Variants in SCFD1 observed in about 807,000 individuals in gnomAD.
SCFD1 encodes the protein sec1 family domain-containing protein 1.
Under a neutral mutation model 103.2 loss-of-function variants are expected in SCFD1, and 37 were observed. The ratio of observed to expected loss-of-function variants is 0.36; its 90% CI spans 0.28 to 0.47. The LOEUF is 0.47. SCFD1 is among the 20% of genes least tolerant of loss of function. The probability of loss-of-function intolerance (pLI) is 1.00; values close to 1 mark genes in which losing one functional copy is unlikely to be tolerated. For synonymous variants in SCFD1, 264 were observed against 245.0 expected (o/e 1.08, Z -0.73); for missense variants, 639 against 761.2 (o/e 0.84, Z 1.89).
At position 30,649,547 on chromosome 14, in the gene SCFD1, A is replaced by G; in HGVS notation, c.633A>G (p.Arg211=). ...AAATAGGTGCTGTTCCTATAATCAG[A>G]TGTTCAAGAGGAACAGCAGCAGAAA... is the stretch of plus-strand genomic sequence containing the variant. ...FVTLGAVPII[R]CSRGTAAEMV... Residue 211 remains arginine, a synonymous_variant, in exon 8 of 25, where the codon AGA becomes AGG. Coordinates refer to ENST00000458591, the MANE Select transcript of SCFD1 (RefSeq NM_016106.4). 6.3e-7 allele frequency: 1 copy of G among 1,576,610 alleles called. No individual in the cohort carries two copies.
intron 14 of SCFD1, among the ~76,000 whole-genome samples, chr14:30,680,424 A>C (rs8012029): frequency 6.6e-6 from 1 of 152,106 alleles, no homozygotes. Flanking sequence ...ATATTCCCAC[A>C]TTCTACAGAG....
chr14:30,628,415 A>G, intron 2 of SCFD1, 136 bp downstream of exon 2: 1 of 588,422 alleles, frequency 1.7e-6, no homozygotes, highest in Non-Finnish European at 3.0e-6. Flanking sequence ...ATTTAACATG[A>G]TCTCTTAATA....
intron 7 of SCFD1, among the ~76,000 whole-genome samples, chr14:30,648,481 C>G (rs752311504): frequency 1.3e-5 from 2 of 152,156 alleles, no homozygotes; most frequent in Non-Finnish European, 2.9e-5. Context: ...TTTTAAAAAA[C>G]TACAATTTTT....
At position 30,719,360 on chromosome 14, in the gene SCFD1, G is replaced by T. The variant is rs1166476839; in HGVS notation, c.1719G>T (p.Met573Ile). The T allele has an allele frequency of 6.2e-7, 1 of 1,606,762 alleles. No homozygotes were observed. Among genetic ancestry groups the T allele is most frequent in the Non-Finnish European group, 8.5e-7 (1 of 1,177,120 alleles). ...ACTATAGATATTTTGATCCCAAAATGCTGCGGGGCAATGACAGGTAAGCAG... is the reference window on the plus strand; with the variant it reads ...ACTATAGATATTTTGATCCCAAAATTCTGCGGGGCAATGACAGGTAAGCAG... ...TDDYRYFDPK[M>I]LRGNDSSVPR... The change falls in exon 21 of 25, where the codon ATG (methionine) becomes ATT (isoleucine). Residue 573 changes from methionine to isoleucine, a missense_variant. Coordinates refer to ENST00000458591, the MANE Select transcript of SCFD1 (RefSeq NM_016106.4).
At position 30,653,530 on chromosome 14, in the gene SCFD1, A is replaced by G; in HGVS notation, c.797A>G (p.Asp266Gly). Reference protein sequence around the residue: ...PLLVLVDRNIDLATPLHHTWT... With the variant: ...PLLVLVDRNIGLATPLHHTWT... ...TTAGTCCTTGTTGACAGAAACATAG[A>G]TTTGGCAACTCCTTTACATCATACT... Residue 266 changes from aspartate (D) to glycine (G), a missense_variant, in exon 10 of 25, where the codon GAT becomes GGT. Coordinates refer to ENST00000458591, the MANE Select transcript of SCFD1 (RefSeq NM_016106.4). The G allele has an allele frequency of 6.2e-7, 1 of 1,613,782 alleles. No homozygotes were observed.
intron 1 of SCFD1, among the ~76,000 whole-genome samples, chr14:30,624,611 A>C (rs1224984882): frequency 6.6e-6 from 1 of 152,208 alleles, no homozygotes; most frequent in African/African-American, 2.4e-5. Flanking sequence ...GAATTTCTGC[A>C]GTAACCTATT....
At chr14:30,697,642 T>C (rs1890787211) in intron 15 of SCFD1, among the ~76,000 whole-genome samples, 1 of 151,926 alleles carries the variant, frequency 6.6e-6, no homozygotes, top group East Asian at 1.9e-4. Context: ...GGCTGAGAGG[T>C]AAAGGGCTAG....
At chr14:30,709,718 G>A (rs1178167887) in intron 19 of SCFD1, among the ~76,000 whole-genome samples, 4 of 152,162 alleles carry the variant, frequency 2.6e-5, no homozygotes, top group Non-Finnish European at 5.9e-5. Flanking sequence ...AGAGACAAAT[G>A]TGCTATACTT....
intron 23 of SCFD1, among the ~76,000 whole-genome samples, chr14:30,726,247 A>G (rs971762862): frequency 1.4e-4 from 22 of 152,224 alleles, no homozygotes; most frequent in African/African-American, 5.1e-4. Context: ...CTTGTTCTTA[A>G]TCATGTACAA....
chr14:30,624,873 A>G (rs974895325), intron 1 of SCFD1, among the ~76,000 whole-genome samples: 1 of 151,742 alleles, frequency 6.6e-6, no homozygotes, highest in African/African-American at 2.4e-5. Context: ...GAGCCTTTGT[A>G]TTTGTTTCTT....
intron 22 of SCFD1, 83 bp from the exon 23 acceptor site, chr14:30,722,411 G>A (rs1892710512): frequency 2.1e-6 from 2 of 967,136 alleles, no homozygotes; most frequent in South Asian, 3.2e-5. Flanking sequence ...ATGACTTTTG[G>A]CTAGCATTTT....
chr14:30,716,457 A>G (rs577032838), intron 20 of SCFD1, among the ~76,000 whole-genome samples: 1 of 152,316 alleles, frequency 6.6e-6, no homozygotes, highest in Non-Finnish European at 1.5e-5. Flanking sequence ...TGAATAGACA[A>G]ATGGGTCAAT....
In SCFD1 at chr14:30,650,593, T is replaced by C; in HGVS notation, c.698T>C (p.Leu233Pro). 1 of 1,610,090 alleles carries C rather than the reference T, an allele frequency of 6.2e-7. No homozygotes were observed. The highest frequency in any genetic ancestry group is 8.5e-7 in the Non-Finnish European group (1 of 1,176,796). The part of the protein sequence containing the change: ...VKLDKKLREN[L>P]RDARNSLFTG... ...CTAGACAAGAAACTTCGAGAAAATC[T>C]AAGAGATGCAAGAAACAGTCTTTTT... Residue 233 changes from leucine to proline, a missense_variant, in exon 9 of 25, where the codon CTA (leucine) becomes CCA (proline). Physicochemically the swap from Leu to Pro is moderately conservative, Grantham distance 98. Transcript: ENST00000458591.
At chr14:30,696,583 C>T (rs1566639202) in intron 15 of SCFD1, among the ~76,000 whole-genome samples, 1 of 152,168 alleles carries the variant, frequency 6.6e-6, no homozygotes, top group Non-Finnish European at 1.5e-5. Context: ...TAAGGGCATC[C>T]ACTCATGGAA....
chr14:30,638,739 A>G (rs1424435044), intron 5 of SCFD1, among the ~76,000 whole-genome samples: 7 of 152,336 alleles, frequency 4.6e-5, no homozygotes, highest in East Asian at 1.9e-4. Flanking sequence ...ACAGGCCTGC[A>G]ATTCTACATC....
Position 30,690,777 on chromosome 14 carries a change from C to T in SCFD1, c.1243-3996C>T, listed in dbSNP as rs188849117. ...TGCAGAAATCACCCGTCTTCTGCGT[C>T]GCTCACGCTGGGAGCTGTAGACCGG... On this transcript the variant is annotated intron_variant, in intron 14 of 24. Coordinates refer to ENST00000458591, the MANE Select transcript of SCFD1 (RefSeq NM_016106.4). Among the ~76,000 whole-genome samples, 4 of 152,094 alleles carry T rather than the reference C, an allele frequency of 2.6e-5. No homozygotes were observed. The East Asian group carries it at 7.7e-4, about 29-fold the overall frequency.
chr14:30,713,001 G>C (rs993319170), intron 19 of SCFD1, among the ~76,000 whole-genome samples: 5 of 152,116 alleles, frequency 3.3e-5, no homozygotes, highest in Admixed American at 6.5e-5. Context: ...GTATGGTTTT[G>C]TTCTGATGTT....
At chr14:30,676,828 G>A (rs977676818) in intron 14 of SCFD1, among the ~76,000 whole-genome samples, 3 of 152,104 alleles carry the variant, frequency 2.0e-5, no homozygotes, top group African/African-American at 4.8e-5. Context: ...AAATAAAAGT[G>A]GAACTGGAAG....
At chr14:30,630,385 G>A (rs1354635793) in intron 2 of SCFD1, 92 bp from the exon 3 acceptor site, 1 of 759,250 alleles carries the variant, frequency 1.3e-6, no homozygotes, top group African/African-American at 1.8e-5. Context: ...TATATATGAT[G>A]TATTAAAATA....
Sources: gnomAD v4.1 joint callset for allele counts (sites outside exome capture counted in the v4.1 genomes callset) on GRCh38, gnomAD v4.1.1 for gene constraint, MANE v1.5 for transcripts, NCBI Gene and HGNC (gene_info 2026-07-23, HGNC 2026-07-21) for gene names.